Variants in PVT1 observed in about 807,000 individuals in gnomAD.
PVT1 encodes CXCR4/PVT1 fusion.
intron 3 of PVT1, among the ~76,000 whole-genome samples, chr8:127,961,378 C>T (rs1816640413): frequency 1.3e-5 from 2 of 152,106 alleles, no homozygotes; most frequent in Admixed American, 1.3e-4. Flanking sequence ...GCACGAAGAG[C>T]CTCTGGGGTT....
chr8:127,931,024 C>T (rs1469368228), intron 3 of PVT1, among the ~76,000 whole-genome samples: 1 of 152,160 alleles, frequency 6.6e-6, no homozygotes, highest in African/African-American at 2.4e-5. Context: ...TCCCCTTCAG[C>T]GTCCCTAGTA....
chr8:128,049,348 C>G (rs1022444547), intron 4 of PVT1: 1 of 352,146 alleles, frequency 2.8e-6, no homozygotes, highest in African/African-American at 2.1e-5. Flanking sequence ...AGTGTGATGA[C>G]GCATGCCCAG....
At chr8:127,965,393 C>T (rs1266411647) in intron 3 of PVT1, among the ~76,000 whole-genome samples, 1 of 152,184 alleles carries the variant, frequency 6.6e-6, no homozygotes, top group African/African-American at 2.4e-5. Flanking sequence ...CCCCTCACAG[C>T]GTCAGACAGA....
Position 127,917,551 on chromosome 8 carries a change from A to G in PVT1, n.782+26553A>G, listed in dbSNP as rs1420891993. 6.6e-5 allele frequency among the ~76,000 whole-genome samples: 10 copies of G among 152,210 alleles called. No homozygotes were observed. In the East Asian group the frequency reaches 1.2e-3, roughly 18 times the overall value. Reference sequence around the variant, plus strand: ...AGGCCCCTTTTAGCCACAGTAATCTATGATGTGGAGTTCTCAATTGCTGGC... The same window carrying G: ...AGGCCCCTTTTAGCCACAGTAATCTGTGATGTGGAGTTCTCAATTGCTGGC... On this transcript the variant is annotated intron_variant and non_coding_transcript_variant, in intron 3 of 10. Coordinates refer to ENST00000651587, the Ensembl canonical transcript of PVT1.
At chr8:127,874,701 C>T (rs1244395474) in intron 2 of PVT1, among the ~76,000 whole-genome samples, 2 of 152,178 alleles carry the variant, frequency 1.3e-5, no homozygotes, top group Admixed American at 6.5e-5. Context: ...GGGTTTGAGA[C>T]AGAAGTGAAG....
chr8:127,808,537 CT>C (rs1366894454), intron 2 of PVT1, among the ~76,000 whole-genome samples: 2 of 152,032 alleles, frequency 1.3e-5, no homozygotes, highest in Non-Finnish European at 2.9e-5. Flanking sequence ...GCCTTAAGTG[CT>C]TTTTTAAGTC....
chr8:127,956,830 C>G (rs1229089361), intron 3 of PVT1, among the ~76,000 whole-genome samples: 1 of 152,198 alleles, frequency 6.6e-6, no homozygotes, highest in Admixed American at 6.5e-5. Flanking sequence ...AACTTGAAAA[C>G]AGGGTCTGCT....
At chr8:127,901,909 C>CTT (rs10547587) in intron 3 of PVT1, among the ~76,000 whole-genome samples, 1 of 147,718 alleles carries the variant, frequency 6.8e-6, no homozygotes, top group Non-Finnish European at 1.5e-5. Flanking sequence ...GCCAAGGGTA[C>CTT]TTTTTTTTTT....
intron 3 of PVT1, among the ~76,000 whole-genome samples, chr8:127,940,962 C>G (rs1183122880): frequency 6.6e-6 from 1 of 152,144 alleles, no homozygotes; most frequent in Non-Finnish European, 1.5e-5. Flanking sequence ...CATCAAGGAA[C>G]CTGTAGGCTG....
chr8:127,839,365 G>T (rs961049413), intron 2 of PVT1, among the ~76,000 whole-genome samples: 1 of 151,780 alleles, frequency 6.6e-6, no homozygotes, highest in Non-Finnish European at 1.5e-5. Flanking sequence ...CTGGGCAACA[G>T]AGGGAGACCC....
intron 2 of PVT1, among the ~76,000 whole-genome samples, chr8:127,878,103 T>C (rs1815425367): frequency 6.6e-6 from 1 of 152,156 alleles, no homozygotes; most frequent in African/African-American, 2.4e-5. Context: ...TACCCCTTTG[T>C]TCATGATTGA....
chr8:127,918,168 G>A (rs1177934422), intron 3 of PVT1, among the ~76,000 whole-genome samples: 1 of 152,248 alleles, frequency 6.6e-6, no homozygotes, highest in African/African-American at 2.4e-5. Flanking sequence ...CCGGAATTCA[G>A]TTGGGCCAGT....
intron 3 of PVT1, among the ~76,000 whole-genome samples, chr8:127,896,814 A>C (rs1011932267): frequency 7.8e-6 from 1 of 128,790 alleles, no homozygotes; most frequent in Non-Finnish European, 1.6e-5. Context: ...CAATGTGCTC[A>C]AGTGTTTTAA....
chr8:127,827,953 A>G (rs1814809741), intron 2 of PVT1, among the ~76,000 whole-genome samples: 1 of 152,152 alleles, frequency 6.6e-6, no homozygotes, highest in South Asian at 2.1e-4. Flanking sequence ...TTTGGAGGGC[A>G]TCTAGTTCAA....
chr8:127,848,498 A>T (rs1815064498), intron 2 of PVT1, among the ~76,000 whole-genome samples: 1 of 152,154 alleles, frequency 6.6e-6, no homozygotes, highest in South Asian at 2.1e-4. Flanking sequence ...AGCCTGACCA[A>T]CATGGAGAAA....
At chr8:127,851,289 T>C (rs996210577) in intron 2 of PVT1, among the ~76,000 whole-genome samples, 3 of 152,192 alleles carry the variant, frequency 2.0e-5, no homozygotes, top group Middle Eastern at 3.2e-3. Context: ...TCTGAGGTTT[T>C]TGTTTCCCCC....
intron 4 of PVT1, among the ~76,000 whole-genome samples, chr8:128,004,394 A>G (rs774993132): frequency 1.3e-5 from 2 of 152,036 alleles, no homozygotes; most frequent in Non-Finnish European, 2.9e-5. Context: ...GCACTTCTTC[A>G]CCTTTCTCTA....
chr8:127,846,933 G>A (rs1410371049), intron 2 of PVT1, among the ~76,000 whole-genome samples: 4 of 150,022 alleles, frequency 2.7e-5, no homozygotes, highest in African/African-American at 7.4e-5. Flanking sequence ...CGCCCACCTC[G>A]GCCTCCCAAA....
chr8:127,985,830 A>T (rs535388503), intron 3 of PVT1, among the ~76,000 whole-genome samples: 23 of 152,120 alleles, frequency 1.5e-4, no homozygotes, highest in Non-Finnish European at 3.1e-4. Flanking sequence ...TGGTGTTTTG[A>T]TGATTTCCAC....
Sources: allele counts gnomAD v4.1 joint callset (sites outside exome capture counted in the v4.1 genomes callset), GRCh38; gene constraint gnomAD v4.1.1; transcripts MANE v1.5; gene names NCBI Gene and HGNC (gene_info 2026-07-23, HGNC 2026-07-21).